Variants in CREBZF observed in about 807,000 individuals in gnomAD.
The protein encoded by CREBZF is HCF-binding transcription factor Zhangfei.
A neutral mutation model predicts 21.1 loss-of-function variants in CREBZF; 8 were observed. That is an observed-to-expected ratio of 0.38 (90% CI 0.22 to 0.68). The LOEUF is 0.68. CREBZF is among the 30% of genes least tolerant of loss of function. The probability of loss-of-function intolerance (pLI) is 0.51; values close to 1 mark genes in which losing one functional copy is unlikely to be tolerated. For missense variants in CREBZF, 518 were observed against 484.3 expected, an observed-to-expected ratio of 1.07 and a Z score of -0.65; for synonymous variants, 270 against 223.3, an observed-to-expected ratio of 1.21 and a Z score of -1.86.
chr11:85,675,398 CAGACCCAAG>C (rs1310127693), intron 1 of CREBZF, among the ~76,000 whole-genome samples: 2 of 152,108 alleles, frequency 1.3e-5, no homozygotes, highest in African/African-American at 4.8e-5. Context: ...CAGGAATAAG[CAGACCCAAG>C]GAGAGGGAGA....
Position 85,664,752 on chromosome 11 carries a change from C to T in CREBZF, c.124G>A (p.Glu42Lys), listed in dbSNP as rs557787380. ...GATCCGGCCGCCGCCGTCTCCTCCT[C>T]CCCCGCTGCAGCCCGGGTCAGGTCA... ...PSDLTRAAAG[E>K]EETAAAGSPG... The change falls in exon 1 of 1, where the codon GAG (glutamate) becomes AAG (lysine). Residue 42 changes from glutamate (E) to lysine (K), a missense_variant. This residue lies in a region of CREBZF where 396 missense variants were observed against 324.4 expected (regional missense o/e 1.22). Coordinates refer to ENST00000527447, the MANE Select transcript of CREBZF (RefSeq NM_001039618.4). This position sits in a 1 kb window ranked among gnomAD's most constrained non-coding sequence, Gnocchi z 5.5. The T allele has an allele frequency of 6.8e-6, 11 of 1,608,458 alleles. No homozygotes were observed. Among genetic ancestry groups the T allele is most frequent in the Admixed American group, 6.8e-5 (4 of 59,132 alleles).
rs149561148 is a variant in CREBZF at position 85,659,057 on chromosome 11, A to G, written c.*4754T>C. On this transcript the variant is annotated 3_prime_UTR_variant, in exon 1 of 1. Transcript: ENST00000527447. Reference sequence around the variant, plus strand: ...GGCCACACAACACTACAAATTTCTAATGGAAGAATTCCCTTTTTGATCCGC... The same window carrying G: ...GGCCACACAACACTACAAATTTCTAGTGGAAGAATTCCCTTTTTGATCCGC... 5.1e-3 allele frequency among the ~76,000 whole-genome samples: 772 copies of G among 152,214 alleles called. 7 individuals are homozygous for G. The highest frequency in any genetic ancestry group is 0.018 in the African/African-American group (758 of 41,576).
Position 85,664,934 on chromosome 11 carries a change from C to A in CREBZF, c.-59G>T, listed in dbSNP as rs2082825111. 1.6e-6 allele frequency: 2 copies of A among 1,256,296 alleles called. No individual in the cohort carries two copies. The highest frequency in any genetic ancestry group is 3.2e-5 in the African/African-American group (2 of 63,444). The allele number at this position is 1,256,296 out of a possible 1,614,324, so 77.8% of individuals were successfully genotyped here. A position where few individuals can be genotyped will look rare whatever the true frequency, so the allele number is the denominator to read the frequency against. ...CGCTAAGAGTGGGCCTCACGGGCCC[C>A]AAGGATCCCAGGCCCCAGGGCGGGT... is the stretch of plus-strand genomic sequence containing the variant. On this transcript the variant is annotated 5_prime_UTR_variant, in exon 1 of 1. Coordinates refer to ENST00000527447, the MANE Select transcript of CREBZF (RefSeq NM_001039618.4). This position sits in a 1 kb window ranked among gnomAD's most constrained non-coding sequence, Gnocchi z 5.5.
Position 85,658,648 on chromosome 11 carries a change from T to TAA in CREBZF, c.*5161_*5162dup, listed in dbSNP as rs113731424. Among the ~76,000 whole-genome samples the TAA allele has an allele frequency of 2.1e-5, 3 of 143,530 alleles. No homozygotes were observed. The highest frequency in any genetic ancestry group is 4.6e-5 in the Non-Finnish European group (3 of 65,056). The allele number at this position is 143,530 out of a possible 152,430, so 94.2% of individuals were successfully genotyped here. A position where few individuals can be genotyped will look rare whatever the true frequency, so the allele number is the denominator to read the frequency against. On this transcript the variant is annotated 3_prime_UTR_variant, in exon 1 of 1. Transcript: ENST00000527447. ...ATTTACTTTGTGTAGTTATTTGGCT[T>TAA]AAAAAAAAAAAAAGAGGGCTCACAT... is the stretch of plus-strand genomic sequence containing the variant.
intron 1 of CREBZF, among the ~76,000 whole-genome samples, chr11:85,675,468 T>C (rs1295621152): frequency 5.3e-5 from 8 of 152,154 alleles, no homozygotes; most frequent in Non-Finnish European, 1.0e-4. Context: ...ACAACATTCA[T>C]CAGTGAAGTT....
intron 1 of CREBZF, among the ~76,000 whole-genome samples, chr11:85,682,006 G>A (rs1458360355): frequency 1.3e-5 from 2 of 152,104 alleles, no homozygotes; most frequent in Admixed American, 1.3e-4. Context: ...CAGAAAACAG[G>A]CCCAGCTACT....
chr11:85,671,003 G>C (rs1218737136), intron 1 of CREBZF, among the ~76,000 whole-genome samples: 1 of 152,214 alleles, frequency 6.6e-6, no homozygotes. Context: ...CACAGGTAGA[G>C]GATAAGCATG....
At position 85,659,340 on chromosome 11, in the gene CREBZF, C is replaced by G. The variant is rs1049877365; in HGVS notation, c.*4471G>C. Among the ~76,000 whole-genome samples, 1 of 151,814 alleles carries G rather than the reference C, an allele frequency of 6.6e-6. No homozygotes were observed. Among genetic ancestry groups the G allele is most frequent in the Non-Finnish European group, 1.5e-5 (1 of 67,882 alleles). ...TAATGACTCATTATCAGTGAATTACCCAGTCTGTTCTATCAAAGTAGTAGT... is the reference window on the plus strand; with the variant it reads ...TAATGACTCATTATCAGTGAATTACGCAGTCTGTTCTATCAAAGTAGTAGT... On this transcript the variant is annotated 3_prime_UTR_variant, in exon 1 of 1. Transcript: ENST00000527447.
At chr11:85,682,717 C>A (rs2082985467) in exon 1 of CREBZF, 1 of 688,662 alleles carries the variant, frequency 1.5e-6, no homozygotes, top group Admixed American at 2.0e-5. Context: ...GGATTCATAC[C>A]CAAACGGCCC....
In CREBZF at chr11:85,662,359, T is replaced by G; in HGVS notation, c.*1452A>C. The G allele has an allele frequency of 1.4e-6, 1 of 714,668 alleles. No individual in the cohort carries two copies. Among genetic ancestry groups the G allele is most frequent in the Non-Finnish European group, 2.6e-6 (1 of 383,596 alleles). 44.3% of individuals were successfully genotyped at this position (714,668 alleles called of 1,614,324 possible). A position where few individuals can be genotyped will look rare whatever the true frequency, so the allele number is the denominator to read the frequency against. Reference sequence around the variant, plus strand: ...ATAAAAAACAGCAGAAGCCCTGATATTACCTCTTTTTCCTCATTTCTTATA... The same window carrying G: ...ATAAAAAACAGCAGAAGCCCTGATAGTACCTCTTTTTCCTCATTTCTTATA... On this transcript the variant is annotated 3_prime_UTR_variant, in exon 1 of 1. Coordinates refer to ENST00000527447, the MANE Select transcript of CREBZF (RefSeq NM_001039618.4).
At position 85,662,347 on chromosome 11, in the gene CREBZF, G is replaced by A. The variant is rs771078784; in HGVS notation, c.*1464C>T. 1.8e-4 allele frequency: 129 copies of A among 702,716 alleles called. No homozygotes were observed. Among genetic ancestry groups the A allele is most frequent in the Non-Finnish European group, 1.2e-4 (45 of 377,370 alleles). The allele number at this position is 702,716 out of a possible 1,614,324, so 43.5% of individuals were successfully genotyped here. ...AACATGTTAAAAATAAAAAACAGCA[G>A]AAGCCCTGATATTACCTCTTTTTCC... On this transcript the variant is annotated 3_prime_UTR_variant, in exon 1 of 1. Transcript: ENST00000527447.
chr11:85,679,548 A>T (rs572792240), intron 1 of CREBZF, among the ~76,000 whole-genome samples: 1 of 152,274 alleles, frequency 6.6e-6, no homozygotes, highest in Non-Finnish European at 1.5e-5. Context: ...CATAAAAACA[A>T]AAATGAATAC....
intron 1 of CREBZF, among the ~76,000 whole-genome samples, chr11:85,674,400 G>A (rs150553997): frequency 1.1e-3 from 167 of 152,324 alleles, no homozygotes; most frequent in African/African-American, 3.8e-3. Flanking sequence ...GTTCTCAACA[G>A]TGGGCTTAAA....
At chr11:85,673,569 C>A (rs2082926005) in intron 1 of CREBZF, among the ~76,000 whole-genome samples, 1 of 152,152 alleles carries the variant, frequency 6.6e-6, no homozygotes, top group South Asian at 2.1e-4. Flanking sequence ...GAGGGTCTTG[C>A]CTCAATGTTG....
chr11:85,669,232 T>C (rs1397613884), upstream of CREBZF, among the ~76,000 whole-genome samples: 1 of 152,072 alleles, frequency 6.6e-6, no homozygotes, highest in East Asian at 1.9e-4. Context: ...CTAAACTTTA[T>C]AACCCTGTAC....
chr11:85,661,960 T>TTATATATATATATATATATATGTA lies in CREBZF; in HGVS notation c.*1850_*1851insTACATATATATATATATATATATA, dbSNP rs58550468. ...AATAATCTTTCCAACTACTTTTGGT[T>TTATATATATATATATATATATGTA]TATATATATATATATATATGTATAT... On this transcript the variant is annotated 3_prime_UTR_variant, in exon 1 of 1. Transcript: ENST00000527447. 6.9e-6 allele frequency: 1 copy of TTATATATATATATATATATATGTA among 145,776 alleles called. No homozygotes were observed. The highest frequency in any genetic ancestry group is 2.5e-5 in the African/African-American group (1 of 40,008). The allele number at this position is 145,776 out of a possible 1,614,324, so 9.0% of individuals were successfully genotyped here. A position where few individuals can be genotyped will look rare whatever the true frequency, so the allele number is the denominator to read the frequency against.
intron 1 of CREBZF, among the ~76,000 whole-genome samples, chr11:85,676,781 T>C (rs2082944988): frequency 6.7e-6 from 1 of 149,438 alleles, no homozygotes; most frequent in African/African-American, 2.5e-5. Context: ...GGGACTACAG[T>C]TGAAAGCCAC....
intron 1 of CREBZF, among the ~76,000 whole-genome samples, chr11:85,682,284 G>C (rs1302969520): frequency 6.6e-6 from 1 of 152,122 alleles, no homozygotes; most frequent in Non-Finnish European, 1.5e-5. Context: ...AGGGTGGAAT[G>C]AAAAGCACCT....
chr11:85,671,612 G>A (rs774198221), intron 1 of CREBZF, among the ~76,000 whole-genome samples: 5 of 152,206 alleles, frequency 3.3e-5, no homozygotes, highest in Non-Finnish European at 7.3e-5. Flanking sequence ...GCAGAACTTG[G>A]CCAAAACAAA....
Sources: gnomAD v4.1 joint callset for allele counts (sites outside exome capture counted in the v4.1 genomes callset) on GRCh38, gnomAD v4.1.1 for gene constraint, gnomAD v4.1.1 regional missense constraint, Gnocchi (gnomAD v3.1) non-coding constraint, MANE v1.5 for transcripts, NCBI Gene and HGNC (gene_info 2026-07-23, HGNC 2026-07-21) for gene names.